Variants in SP3 observed in about 807,000 individuals in gnomAD.
The protein encoded by SP3 is Sp3 transcription factor.
SP3 carries 10 observed loss-of-function variants against 70.3 expected under a neutral mutation model. The observed-to-expected ratio is 0.14, with a 90% CI of 0.09 to 0.24. The LOEUF is 0.24. Ranked by LOEUF, SP3 falls within the 10% of genes least tolerant of loss-of-function variation. The pLI is 1.00. For synonymous variants in SP3, 402 were observed against 333.5 expected (o/e 1.21, Z -2.24); for missense variants, 825 against 914.6 (o/e 0.90, Z 1.26).
chr2:173,947,399 C>T (rs753562956), intron 4 of SP3, among the ~76,000 whole-genome samples: 9 of 151,602 alleles, frequency 5.9e-5, no homozygotes, highest in Non-Finnish European at 1.2e-4. Context: ...TTTTTCTCCC[C>T]GAAAAACTTT....
At position 173,907,143 on chromosome 2, in the gene SP3, A is replaced by C. The variant is rs1689350404; in HGVS notation, c.*2798T>G. 6.6e-6 allele frequency: 1 copy of C among 152,190 alleles called. No individual in the cohort carries two copies. The highest frequency in any genetic ancestry group is 6.5e-5 in the Admixed American group (1 of 15,288). The allele number at this position is 152,190 out of a possible 1,614,324, so 9.4% of individuals were successfully genotyped here. On this transcript the variant is annotated 3_prime_UTR_variant, in exon 7 of 7. Coordinates refer to ENST00000310015, the MANE Select transcript of SP3 (RefSeq NM_003111.5). ...TAGAAAATGAGATGCTCTTTAAGTG[A>C]TACTTTCTTAAATTAAAATTTGAGG...
In SP3 at chr2:173,902,708, T is replaced by C. The variant is rs1306273148; in HGVS notation, c.*7233A>G. ...GAGTGGTAAAACAAGTCCCAGAAGG[T>C]TTTGTACAGAATGATACCATTTATA... On this transcript the variant is annotated 3_prime_UTR_variant, in exon 7 of 7. Coordinates refer to ENST00000310015, the MANE Select transcript of SP3 (RefSeq NM_003111.5). 6.6e-6 allele frequency among the ~76,000 whole-genome samples: 1 copy of C among 152,164 alleles called. No individual in the cohort carries two copies. The highest frequency in any genetic ancestry group is 2.4e-5 in the African/African-American group (1 of 41,440).
At chr2:173,949,426 T>C (rs940689119) in intron 4 of SP3, among the ~76,000 whole-genome samples, 46 of 151,054 alleles carry the variant, frequency 3.0e-4, no homozygotes, top group African/African-American at 1.1e-3. Context: ...ACAATACTGA[T>C]ATAAATTAAA....
rs561455506 is a variant in SP3 at position 173,952,158 on chromosome 2, A to G, written c.1639+2715T>C. On this transcript the variant is annotated intron_variant, in intron 4 of 6. Coordinates refer to ENST00000310015, the MANE Select transcript of SP3 (RefSeq NM_003111.5). ...ACTTAAGTACATTAATCTCAAGACC[A>G]CAGTTTATCATTCTTTCAAGTAAAA... Among the ~76,000 whole-genome samples the G allele has an allele frequency of 4.7e-5, 7 of 150,290 alleles. No homozygotes were observed. The East Asian group carries it at 1.4e-3, about 29-fold the overall frequency.
intron 4 of SP3, among the ~76,000 whole-genome samples, chr2:173,922,869 TC>T (rs1689796857): frequency 6.6e-6 from 1 of 152,132 alleles, no homozygotes; most frequent in Admixed American, 6.5e-5. Context: ...GTTAACTCTT[TC>T]CAAGGGTTTT....
At position 173,935,413 on chromosome 2, in the gene SP3, A is replaced by G. The variant is rs1690180219; in HGVS notation, c.1640-16628T>C. On this transcript the variant is annotated intron_variant, in intron 4 of 6. Coordinates refer to ENST00000310015, the MANE Select transcript of SP3 (RefSeq NM_003111.5). The stretch of plus-strand genomic sequence containing the variant: ...AGACAAAACCAAAACCCAACCAACA[A>G]AACAATCAAAACCAAACTATCTGAG... Among the ~76,000 whole-genome samples the G allele has an allele frequency of 2.0e-5, 3 of 152,294 alleles. No individual in the cohort carries two copies. In the East Asian group the frequency reaches 5.8e-4, roughly 29 times the overall value.
chr2:173,955,418 G>A lies in SP3; in HGVS notation c.1094C>T (p.Ser365Phe), dbSNP rs757273473. 1.9e-6 allele frequency: 3 copies of A among 1,614,126 alleles called. No homozygotes were observed. The highest frequency in any genetic ancestry group is 3.3e-5 in the Admixed American group (2 of 59,992). Residue 365 changes from serine to phenylalanine, a missense_variant, in exon 4 of 7, where the codon TCT becomes TTT. Physicochemically the swap from Ser to Phe is radical, Grantham distance 155. Coordinates refer to ENST00000310015, the MANE Select transcript of SP3 (RefSeq NM_003111.5). ...SLTTSSGQVH[S>F]SDLQGNYIQS... ...GATATAATTTCCCTGAAGATCTGAA[G>A]AATGAACCTGCCCACTAGATGTAGT...
Position 173,904,411 on chromosome 2 carries a change from A to C in SP3, c.*5530T>G, listed in dbSNP as rs764097860. ...TAGCAAGTAACAGCCTTCTGACTTAAGAAAAAACTAAGTTGGGGAGTCTCT... is the reference window on the plus strand; with the variant it reads ...TAGCAAGTAACAGCCTTCTGACTTACGAAAAAACTAAGTTGGGGAGTCTCT... On this transcript the variant is annotated 3_prime_UTR_variant, in exon 7 of 7. Coordinates refer to ENST00000310015, the MANE Select transcript of SP3 (RefSeq NM_003111.5). 6.6e-6 allele frequency among the ~76,000 whole-genome samples: 1 copy of C among 151,792 alleles called. No individual in the cohort carries two copies. The highest frequency in any genetic ancestry group is 6.5e-5 in the Admixed American group (1 of 15,278).
At chr2:173,924,713 G>T (rs1689860563) in intron 4 of SP3, among the ~76,000 whole-genome samples, 1 of 152,132 alleles carries the variant, frequency 6.6e-6, no homozygotes, top group Admixed American at 6.5e-5. Context: ...AAACCATATT[G>T]CAGATATTGC....
intron 6 of SP3, among the ~76,000 whole-genome samples, chr2:173,911,618 T>TA (rs1193940570): frequency 6.6e-6 from 1 of 152,172 alleles, no homozygotes; most frequent in African/African-American, 2.4e-5. Context: ...TTCCTACACT[T>TA]ATTTGATCAT....
rs1174348131 is a variant in SP3 at position 173,964,684 on chromosome 2, CCGG to C, written c.8-134_8-132del. On this transcript the variant is annotated intron_variant, in intron 1 of 6. Transcript: ENST00000310015. ...CCCCTTCCCCTCCCCCACCCGCCCC[CCGG>C]CGGCGGCGGCGGCGGCGGCTCCCTC... 3.8e-3 allele frequency: 1,402 copies of C among 373,046 alleles called. 9 individuals are homozygous for C. Among genetic ancestry groups the C allele is most frequent in the South Asian group, 8.3e-3 (193 of 23,292 alleles). The allele number at this position is 373,046 out of a possible 1,614,324, so 23.1% of individuals were successfully genotyped here.
chr2:173,911,275 T>G (rs1033962857), intron 6 of SP3, among the ~76,000 whole-genome samples: 4 of 152,210 alleles, frequency 2.6e-5, no homozygotes, highest in Non-Finnish European at 4.4e-5. Flanking sequence ...ACAGTTTAGA[T>G]GCTCCACTGC....
chr2:173,965,217 A>G lies in SP3; in HGVS notation c.-46T>C. On this transcript the variant is annotated 5_prime_UTR_variant, in exon 1 of 7. An upstream start codon of the reference 5' UTR is lost. Coordinates refer to ENST00000310015, the MANE Select transcript of SP3 (RefSeq NM_003111.5). ...GGCGGGGCTCCCCGCCGCCTTACAC[A>G]TGGTGAGGAGCGAAGGCGGCGGCGG... 6.5e-7 allele frequency: 1 copy of G among 1,538,968 alleles called. No homozygotes were observed. The highest frequency in any genetic ancestry group is 8.8e-7 in the Non-Finnish European group (1 of 1,140,180).
chr2:173,926,709 G>A (rs1428407654), intron 4 of SP3, among the ~76,000 whole-genome samples: 2 of 152,308 alleles, frequency 1.3e-5, no homozygotes, highest in Non-Finnish European at 2.9e-5. Context: ...TTTTAAGAAT[G>A]TAAAAATGGC....
chr2:173,926,955 G>T (rs1443701225), intron 4 of SP3, among the ~76,000 whole-genome samples: 2 of 152,116 alleles, frequency 1.3e-5, no homozygotes, highest in Non-Finnish European at 2.9e-5. Context: ...GGTTCTGCAG[G>T]CTGTATAGGA....
At chr2:173,964,192 C>T (rs1691190960) in intron 2 of SP3, 3 of 461,312 alleles carry the variant, frequency 6.5e-6, no homozygotes, top group African/African-American at 2.1e-5. Flanking sequence ...CACTCACACG[C>T]GCACAAAAAG....
chr2:173,965,108 G>C (rs1298684574), intron 1 of SP3, 57 bp downstream of exon 1: 2 of 1,544,936 alleles, frequency 1.3e-6, no homozygotes, highest in Non-Finnish European at 1.7e-6. Context: ...GCTGGCTGTG[G>C]TCGGCGGCAG....
At chr2:173,945,032 G>A (rs968126414) in intron 4 of SP3, among the ~76,000 whole-genome samples, 2 of 152,138 alleles carry the variant, frequency 1.3e-5, no homozygotes, top group South Asian at 2.1e-4. Flanking sequence ...AAATTCTATG[G>A]TTTAAATCAC....
intron 3 of SP3, among the ~76,000 whole-genome samples, chr2:173,961,018 C>G (rs1473774231): frequency 1.3e-5 from 2 of 152,098 alleles, no homozygotes; most frequent in African/African-American, 4.8e-5. Flanking sequence ...TTTTATTCCA[C>G]TAAAGTAAAA....
Sources: allele counts gnomAD v4.1 joint callset (sites outside exome capture counted in the v4.1 genomes callset), GRCh38; gene constraint gnomAD v4.1.1; transcripts MANE v1.5; gene names NCBI Gene and HGNC (gene_info 2026-07-23, HGNC 2026-07-21).